The following TBX18 variants were observed in gnomAD, a reference collection of about 807,000 sequenced individuals.
The protein encoded by TBX18 is T-box transcription factor 18.
In TBX18, 21 loss-of-function variants were observed where a neutral mutation model predicts 55.0. The ratio of observed to expected loss-of-function variants is 0.38; its 90% CI spans 0.27 to 0.55. TBX18 has a LOEUF of 0.55. Among genes scored for constraint, TBX18 ranks in the 20% least tolerant of loss-of-function variants. The pLI, the probability that TBX18 is intolerant of heterozygous loss-of-function variation, is 0.73. For missense variants in TBX18, 840 were observed against 799.6 expected (o/e 1.05, Z -0.61); for synonymous variants, 342 against 326.1 (o/e 1.05, Z -0.53).
intron 1 of TBX18, chr6:84,763,016 C>T: frequency 1.8e-6 from 1 of 560,396 alleles, no homozygotes; most frequent in Non-Finnish European, 3.2e-6. Flanking sequence ...GTCCACCCCA[C>T]CCGCTGGGCC....
At chr6:84,763,794 G>A in intron 1 of TBX18, 96 bp downstream of exon 1, 1 of 1,426,098 alleles carries the variant, frequency 7.0e-7, no homozygotes, top group Non-Finnish European at 9.1e-7. Flanking sequence ...AGTGGCCTTG[G>A]CCATGTAGGG....
At position 84,762,747 on chromosome 6, in the gene TBX18, G is replaced by A; in HGVS notation, c.294C>T (p.Gly98=). 1 of 1,596,066 alleles carries A rather than the reference G, an allele frequency of 6.3e-7. No homozygotes were observed. The highest frequency in any genetic ancestry group is 8.5e-7 in the Non-Finnish European group (1 of 1,171,714). The change falls in exon 2 of 8, where the codon GGC becomes GGT. Residue 98 remains glycine, a splice_region_variant and synonymous_variant. Coordinates refer to ENST00000369663, the MANE Select transcript of TBX18 (RefSeq NM_001080508.3). ...CCTGCTGGAAGCCGTCCTCACAGCCGCCTGGACAGCAAAGGACAGAGAAAG... is the reference window on the plus strand; with the variant it reads ...CCTGCTGGAAGCCGTCCTCACAGCCACCTGGACAGCAAAGGACAGAGAAAG... ...SGADLERGAA[G]GCEDGFQQGA... is the part of the protein sequence containing the mutation.
chr6:84,747,008 G>C (rs999804489), intron 5 of TBX18, among the ~76,000 whole-genome samples: 2 of 151,968 alleles, frequency 1.3e-5, no homozygotes, highest in South Asian at 2.1e-4. Flanking sequence ...ATACGGATAA[G>C]AGCTATTGAG....
intron 6 of TBX18, among the ~76,000 whole-genome samples, chr6:84,740,189 C>T (rs1332096642): frequency 1.3e-5 from 2 of 152,148 alleles, no homozygotes; most frequent in African/African-American, 4.8e-5. Flanking sequence ...TGCACCTGCT[C>T]CACCTGGCCT....
Position 84,736,674 on chromosome 6 carries a change from T to G in TBX18, c.*11A>C, listed in dbSNP as rs778111913. 88 of 1,513,692 alleles carry G rather than the reference T, an allele frequency of 5.8e-5. No individual in the cohort carries two copies. Among genetic ancestry groups the G allele is most frequent in the Non-Finnish European group, 7.7e-5 (87 of 1,132,952 alleles). The allele number at this position is 1,513,692 out of a possible 1,614,324, so 93.8% of individuals were successfully genotyped here. A position where few individuals can be genotyped will look rare whatever the true frequency, so the allele number is the denominator to read the frequency against. On this transcript the variant is annotated 3_prime_UTR_variant, in exon 8 of 8. Coordinates refer to ENST00000369663, the MANE Select transcript of TBX18 (RefSeq NM_001080508.3). ...AGACAGATCCAAATGTCATTTAACT[T>G]AAAGGCTTCATCAGACCATATGTGC...
chr6:84,749,503 C>A, intron 4 of TBX18, among the ~76,000 whole-genome samples: 1 of 149,408 alleles, frequency 6.7e-6, no homozygotes, highest in African/African-American at 2.5e-5. Flanking sequence ...TTTTTTTTAA[C>A]CCTGCAGTTT....
At chr6:84,738,395 G>C in intron 7 of TBX18, 102 bp downstream of exon 7, 1 of 906,668 alleles carries the variant, frequency 1.1e-6, no homozygotes, top group South Asian at 1.3e-5. Context: ...CTGGTGATGA[G>C]GTCATTATTG....
At chr6:84,759,461 T>C (rs562122704) in intron 3 of TBX18, among the ~76,000 whole-genome samples, 2 of 151,980 alleles carry the variant, frequency 1.3e-5, no homozygotes, top group African/African-American at 4.8e-5. Context: ...TCCAAACACA[T>C]AAAACTTCCT....
At chr6:84,738,447 T>G in intron 7 of TBX18, 50 bp downstream of exon 7, 1 of 1,401,894 alleles carries the variant, frequency 7.1e-7, no homozygotes, top group South Asian at 1.2e-5. Context: ...TGCCTGAGTT[T>G]CTAGGCAGGA....
intron 3 of TBX18, 125 bp from the exon 4 acceptor site, chr6:84,756,994 C>T: frequency 2.1e-6 from 2 of 974,886 alleles, no homozygotes; most frequent in South Asian, 1.9e-5. Context: ...CCTCTTTACA[C>T]TAAAAATAAA....
At chr6:84,763,285 C>T (rs919885063) in intron 1 of TBX18, 16 of 432,042 alleles carry the variant, frequency 3.7e-5, no homozygotes, top group South Asian at 8.4e-5. Context: ...CTAGAAGGCT[C>T]TTCAGACCCC....
At chr6:84,757,734 ATAT>A (rs1767531481) in intron 3 of TBX18, among the ~76,000 whole-genome samples, 1 of 152,006 alleles carries the variant, frequency 6.6e-6, no homozygotes, top group Non-Finnish European at 1.5e-5. Context: ...CAAGTAAGAA[ATAT>A]TAATATTTAA....
chr6:84,748,077 T>G lies in TBX18; in HGVS notation c.782A>C (p.His261Pro). The change falls in exon 5 of 8, where the codon CAT (histidine) becomes CCT (proline). Residue 261 changes from histidine (H) to proline (P), a missense_variant. Physicochemically the swap from His to Pro is moderately conservative, Grantham distance 77. Coordinates refer to ENST00000369663, the MANE Select transcript of TBX18 (RefSeq NM_001080508.3). ...TCGCGGTTGGTATTTGTGCATAGAA[T>G]GAAGAATAATCTATATCAAAGAAGG... ...ELDDQGHIILHSMHKYQPRVH... is the reference protein window; with the variant it reads ...ELDDQGHIILPSMHKYQPRVH... 2 of 1,608,170 alleles carry G rather than the reference T, an allele frequency of 1.2e-6. No homozygotes were observed. Among genetic ancestry groups the G allele is most frequent in the South Asian group, 1.1e-5 (1 of 90,088 alleles).
intron 5 of TBX18, among the ~76,000 whole-genome samples, chr6:84,745,050 A>G (rs777504301): frequency 1.3e-5 from 2 of 152,108 alleles, no homozygotes; most frequent in Non-Finnish European, 2.9e-5. Flanking sequence ...TTTCAAAATA[A>G]ATTGTATTGT....
intron 3 of TBX18, among the ~76,000 whole-genome samples, chr6:84,757,286 C>T (rs1401724534): frequency 6.6e-6 from 1 of 152,130 alleles, no homozygotes; most frequent in African/African-American, 2.4e-5. Context: ...TTAAAATGCC[C>T]CGCTTCCTTC....
At chr6:84,741,289 CACATT>C (rs1320716372) in intron 6 of TBX18, 1 of 152,184 alleles carries the variant, frequency 6.6e-6, no homozygotes, top group Non-Finnish European at 1.5e-5. Flanking sequence ...GAACAATTTC[CACATT>C]TTATCACTGC....
rs528272776 is a variant in TBX18 at position 84,735,677 on chromosome 6, A to G, written c.*1008T>C. ...TAGCATAAATGCATTTTTTTTACTTATATACTATCGGTCAGGAAGCTCAGA... is the reference window on the plus strand; with the variant it reads ...TAGCATAAATGCATTTTTTTTACTTGTATACTATCGGTCAGGAAGCTCAGA... On this transcript the variant is annotated 3_prime_UTR_variant, in exon 8 of 8. Coordinates refer to ENST00000369663, the MANE Select transcript of TBX18 (RefSeq NM_001080508.3). 1.3e-5 allele frequency: 2 copies of G among 152,202 alleles called. No individual in the cohort carries two copies. The highest frequency in any genetic ancestry group is 2.9e-5 in the Non-Finnish European group (2 of 68,024). The allele number at this position is 152,202 out of a possible 1,614,324, so 9.4% of individuals were successfully genotyped here.
chr6:84,750,198 T>C (rs9450016), intron 4 of TBX18, among the ~76,000 whole-genome samples: 1,540 of 149,822 alleles, frequency 0.01, 39 homozygotes, highest in African/African-American at 0.036. Flanking sequence ...GGCAGGAGGA[T>C]AGCTTGAATC....
At chr6:84,762,922 T>C (rs1767695069) in intron 1 of TBX18, 174 bp from the exon 2 acceptor site, 2 of 644,314 alleles carry the variant, frequency 3.1e-6, no homozygotes, top group East Asian at 2.7e-5. Context: ...ACCCACATTC[T>C]GCCTGTCGAA....
Sources: gnomAD v4.1 joint callset for allele counts (sites outside exome capture counted in the v4.1 genomes callset) on GRCh38, gnomAD v4.1.1 for gene constraint, MANE v1.5 for transcripts, NCBI Gene and HGNC (gene_info 2026-07-23, HGNC 2026-07-21) for gene names.